Variants in MTUS1 observed in about 807,000 individuals in gnomAD.
The protein encoded by MTUS1 is microtubule associated scaffold protein 1.
MTUS1 carries 109 observed loss-of-function variants against 120.8 expected under a neutral mutation model. The ratio of observed to expected loss-of-function variants is 0.90; its 90% confidence interval spans 0.77 to 1.06. The LOEUF (loss-of-function observed/expected upper bound fraction) is 1.06. Among genes scored for constraint, MTUS1 ranks in the 50% least tolerant of loss-of-function variants. The pLI, the probability that MTUS1 is intolerant of heterozygous loss-of-function variation, is 0.00. For synonymous variants in MTUS1, 737 were observed against 550.5 expected, an observed-to-expected ratio of 1.34 and a Z score of -4.74; for missense variants, 2,210 against 1,486.3, an observed-to-expected ratio of 1.49 and a Z score of -8.01.
At chr8:17,716,026 T>A in intron 4 of MTUS1, 125 bp from the exon 5 acceptor site, 1 of 819,376 alleles carries the variant, frequency 1.2e-6, no homozygotes, top group Non-Finnish European at 1.9e-6. Context: ...CAGTCATTAC[T>A]GAACATTGGG....
chr8:17,681,773 A>G (rs1814563687), intron 7 of MTUS1: 1 of 154,818 alleles, frequency 6.5e-6, no homozygotes. Context: ...TTATAGTACC[A>G]GTTGAAAACC....
chr8:17,774,759 G>A (rs2050280436), intron 1 of MTUS1, among the ~76,000 whole-genome samples: 1 of 151,872 alleles, frequency 6.6e-6, no homozygotes, highest in South Asian at 2.1e-4. Context: ...AGAAAATAGA[G>A]ACTCCAAGAA....
chr8:17,767,609 G>A (rs555748185), intron 1 of MTUS1, among the ~76,000 whole-genome samples: 97 of 151,474 alleles, frequency 6.4e-4, no homozygotes, highest in African/African-American at 2.2e-3. Flanking sequence ...GAGGGCAGGA[G>A]GACTGCCTGA....
chr8:17,710,188 G>A (rs1418766889), intron 6 of MTUS1, among the ~76,000 whole-genome samples: 2 of 152,262 alleles, frequency 1.3e-5, no homozygotes, highest in South Asian at 2.1e-4. Flanking sequence ...GCAATTTAAA[G>A]TAAGACAGCA....
At chr8:17,671,985 A>G (rs1812118998) in intron 8 of MTUS1, among the ~76,000 whole-genome samples, 1 of 152,162 alleles carries the variant, frequency 6.6e-6, no homozygotes, top group African/African-American at 2.4e-5. Flanking sequence ...TCACCAGCGA[A>G]AAAACCATAC....
At chr8:17,732,272 C>T (rs1328544686) in intron 3 of MTUS1, among the ~76,000 whole-genome samples, 1 of 152,258 alleles carries the variant, frequency 6.6e-6, no homozygotes, top group African/African-American at 2.4e-5. Context: ...TAAACACACA[C>T]AGCCTCTGGT....
rs112048837 is a variant in MTUS1, at chr8:17,767,700, TA to T, written c.-154-11740del. On this transcript the variant is annotated intron_variant, in intron 1 of 14. Coordinates refer to ENST00000693296, the MANE Select transcript of MTUS1 (RefSeq NM_001363059.2). ...GGTGATAGAGCAAGACCCTGTCTCT[TA>T]AAAAAAAAAAAAAAAAACGGTGTGA... Among the ~76,000 whole-genome samples, 253 of 87,838 alleles carry T rather than the reference TA, an allele frequency of 2.9e-3. 3 individuals carry two copies. The highest frequency in any genetic ancestry group is 5.8e-3 in the Middle Eastern group (1 of 172). 57.6% of individuals were successfully genotyped at this position (87,838 alleles called of 152,430 possible).
chr8:17,758,635 T>G (rs1003725726), intron 1 of MTUS1, among the ~76,000 whole-genome samples: 8 of 152,344 alleles, frequency 5.3e-5, no homozygotes, highest in Middle Eastern at 3.4e-3. Context: ...CCAAAAGCAC[T>G]AAATATGCTA....
At chr8:17,660,488 T>G (rs1809438814) in intron 8 of MTUS1, among the ~76,000 whole-genome samples, 1 of 152,220 alleles carries the variant, frequency 6.6e-6, no homozygotes, top group African/African-American at 2.4e-5. Context: ...AATGCTGCTA[T>G]GAACACCGGG....
At chr8:17,773,908 C>G (rs140904613) in intron 1 of MTUS1, among the ~76,000 whole-genome samples, 1 of 152,190 alleles carries the variant, frequency 6.6e-6, no homozygotes, top group East Asian at 1.9e-4. Context: ...GAGGTGGAAG[C>G]CAGGGCCCAC....
chr8:17,714,154 G>A (rs1585893546), intron 5 of MTUS1, among the ~76,000 whole-genome samples: 2 of 152,090 alleles, frequency 1.3e-5, no homozygotes, highest in East Asian at 3.9e-4. Flanking sequence ...GAGGTCATTT[G>A]GTGCCTCCGA....
chr8:17,654,388 T>G (rs749042677), intron 10 of MTUS1, 173 bp downstream of exon 10: 13 of 594,596 alleles, frequency 2.2e-5, no homozygotes, highest in African/African-American at 5.6e-5. Context: ...GCATCCTTAG[T>G]GGGAAAAGGC....
chr8:17,754,312 A>T lies in MTUS1; in HGVS notation c.1496T>A (p.Ile499Asn). ...GAAGTTTGGTCTTGGGTAACTTATA[A>T]TTTCAGTTTTTCTAACTTTGCAGCC... ...PIGCKVRKTE[I>N]ISYPRPNFKN... The change falls in exon 2 of 15, where the codon ATT (isoleucine) becomes AAT (asparagine). Residue 499 changes from isoleucine (I) to asparagine (N), a missense_variant. Coordinates refer to ENST00000693296, the MANE Select transcript of MTUS1 (RefSeq NM_001363059.2). The T allele has an allele frequency of 6.2e-7, 1 of 1,613,678 alleles. No individual in the cohort carries two copies. The highest frequency in any genetic ancestry group is 8.5e-7 in the Non-Finnish European group (1 of 1,179,926).
At chr8:17,781,335 A>G (rs2050861480) in intron 1 of MTUS1, among the ~76,000 whole-genome samples, 1 of 152,240 alleles carries the variant, frequency 6.6e-6, no homozygotes, top group Non-Finnish European at 1.5e-5. Flanking sequence ...CCAAAGAGTT[A>G]TTAGTAAGAA....
chr8:17,707,328 G>A (rs992944978), intron 6 of MTUS1, among the ~76,000 whole-genome samples: 7 of 152,092 alleles, frequency 4.6e-5, no homozygotes, highest in African/African-American at 1.7e-4. Context: ...TCTTTCCAAA[G>A]CAAACACACT....
intron 4 of MTUS1, chr8:17,722,210 A>G (rs2045898447): frequency 9.8e-7 from 1 of 1,020,206 alleles, no homozygotes; most frequent in African/African-American, 1.7e-5. Flanking sequence ...TAGGAGCATC[A>G]GACACAGTAC....
At chr8:17,704,087 C>T (rs2130935740) in intron 6 of MTUS1, 1 of 152,390 alleles carries the variant, frequency 6.6e-6, no homozygotes, top group Non-Finnish European at 1.5e-5. Flanking sequence ...CCGGCCAACA[C>T]TTACAGGAAA....
chr8:17,743,541 A>AC lies in MTUS1; in HGVS notation c.2287+62_2287+63insG. On this transcript the variant is annotated intron_variant, in intron 3 of 14. Transcript: ENST00000693296. ...TAGTGACAGAAGGCATTAGACCTAT[A>AC]ATCATGACTGTCCAATTTTACATTC... is the stretch of plus-strand genomic sequence containing the variant. 6 of 1,500,846 alleles carry AC rather than the reference A, an allele frequency of 4.0e-6. No individual in the cohort carries two copies. The South Asian group carries it at 6.2e-5, about 16-fold the overall frequency. 93.0% of individuals were successfully genotyped at this position (1,500,846 alleles called of 1,614,324 possible).
intron 6 of MTUS1, among the ~76,000 whole-genome samples, chr8:17,710,868 C>G (rs182590222): frequency 6.6e-6 from 1 of 152,212 alleles, no homozygotes; most frequent in Non-Finnish European, 1.5e-5. Context: ...AAACATCCAT[C>G]TTCCTGTACT....
Sources: gnomAD v4.1 joint callset for allele counts (sites outside exome capture counted in the v4.1 genomes callset) on GRCh38, gnomAD v4.1.1 for gene constraint, MANE v1.5 for transcripts, NCBI Gene and HGNC (gene_info 2026-07-23, HGNC 2026-07-21) for gene names.